TFDP2: variants seen among roughly 807,000 people sequenced by gnomAD.
TFDP2 encodes the protein transcription factor Dp-2.
Under a neutral mutation model 59.3 loss-of-function variants are expected in TFDP2, and 17 were observed. The observed-to-expected ratio is 0.29, with a 90% CI of 0.20 to 0.43. The LOEUF is 0.43. Among genes scored for constraint, TFDP2 ranks in the 20% least tolerant of loss-of-function variants. TFDP2 has a pLI of 1.00. For missense variants in TFDP2, 391 were observed against 528.8 expected (o/e 0.74, Z 2.56); for synonymous variants, 180 against 194.7 (o/e 0.92, Z 0.63).
chr3:141,982,364 G>C (rs548149065), intron 6 of TFDP2, among the ~76,000 whole-genome samples: 107 of 152,026 alleles, frequency 7.0e-4, no homozygotes, highest in African/African-American at 2.4e-3. Flanking sequence ...TCAACTTAGT[G>C]GTTATATGCT....
chr3:142,021,792 T>C (rs912207288), intron 3 of TFDP2, among the ~76,000 whole-genome samples: 6 of 152,192 alleles, frequency 3.9e-5, no homozygotes, highest in African/African-American at 1.2e-4. Flanking sequence ...AATATTATAA[T>C]TGGTTTCATT....
intron 3 of TFDP2, among the ~76,000 whole-genome samples, chr3:142,011,590 T>TAAAAAAAAAAAAGAAAAAAA (rs386398107): frequency 1.6e-5 from 1 of 63,894 alleles, no homozygotes; most frequent in Non-Finnish European, 2.7e-5. Context: ...TAAAGTATAA[T>TAAAAAAAAAAAAGAAAAAAA]AAAAAAAAAA....
chr3:142,079,202 C>CT (rs1284015792), intron 3 of TFDP2, among the ~76,000 whole-genome samples: 2 of 152,062 alleles, frequency 1.3e-5, no homozygotes, highest in African/African-American at 4.8e-5. Context: ...ACTCAGAAGG[C>CT]TGAGGCAGTA....
At chr3:142,131,152 G>C (rs114398538) in intron 1 of TFDP2, among the ~76,000 whole-genome samples, 2 of 149,350 alleles carry the variant, frequency 1.3e-5, no homozygotes, top group Non-Finnish European at 2.9e-5. Context: ...AAAAGATGAC[G>C]TGTCTCTATA....
intron 3 of TFDP2, among the ~76,000 whole-genome samples, chr3:142,055,432 C>T (rs770419802): frequency 6.6e-6 from 1 of 152,204 alleles, no homozygotes; most frequent in Non-Finnish European, 1.5e-5. Context: ...AAAACAGGCA[C>T]TCTGCTAGGC....
At chr3:142,094,914 A>G (rs2061113982) in intron 2 of TFDP2, among the ~76,000 whole-genome samples, 1 of 152,340 alleles carries the variant, frequency 6.6e-6, no homozygotes, top group South Asian at 2.1e-4. Context: ...CAATCTGAAA[A>G]GATTTTAAAG....
chr3:142,061,008 C>G (rs746144411), intron 3 of TFDP2, among the ~76,000 whole-genome samples: 7 of 152,164 alleles, frequency 4.6e-5, no homozygotes, highest in Non-Finnish European at 1.0e-4. Context: ...AAATAACATT[C>G]AATCATAAAA....
chr3:142,082,055 T>C (rs1439108589), intron 3 of TFDP2, among the ~76,000 whole-genome samples: 1 of 152,178 alleles, frequency 6.6e-6, no homozygotes, highest in African/African-American at 2.4e-5. Context: ...AGCAGCTTCA[T>C]CTGTATTTAC....
chr3:142,014,729 C>T (rs1330319203), intron 3 of TFDP2, among the ~76,000 whole-genome samples: 1 of 152,140 alleles, frequency 6.6e-6, no homozygotes, highest in African/African-American at 2.4e-5. Context: ...CCTTTTAAGT[C>T]AGTCTCCTGC....
intron 3 of TFDP2, among the ~76,000 whole-genome samples, chr3:142,062,649 C>A (rs1001683135): frequency 6.6e-6 from 1 of 151,848 alleles, no homozygotes; most frequent in Non-Finnish European, 1.5e-5. Context: ...TAGGTGTATG[C>A]CCTGTAGAAA....
intron 3 of TFDP2, among the ~76,000 whole-genome samples, chr3:142,053,462 C>T (rs1321329198): frequency 6.6e-6 from 1 of 152,190 alleles, no homozygotes; most frequent in South Asian, 2.1e-4. Flanking sequence ...GAAGTAGATG[C>T]TGGCACCATG....
At chr3:142,144,991 G>A (rs1186767117) in intron 1 of TFDP2, among the ~76,000 whole-genome samples, 1 of 152,122 alleles carries the variant, frequency 6.6e-6, no homozygotes, top group Non-Finnish European at 1.5e-5. Context: ...GGCAGACTAC[G>A]GTAATATTAA....
chr3:142,135,211 T>A (rs1158485501), intron 1 of TFDP2, among the ~76,000 whole-genome samples: 7 of 151,998 alleles, frequency 4.6e-5, no homozygotes, highest in African/African-American at 1.7e-4. Context: ...GCTCAAGCAA[T>A]CCTCTCACTT....
At chr3:142,115,488 T>C (rs1167299929) in intron 1 of TFDP2, among the ~76,000 whole-genome samples, 1 of 152,082 alleles carries the variant, frequency 6.6e-6, no homozygotes, top group Non-Finnish European at 1.5e-5. Context: ...CTGGCTAATT[T>C]TTTGTATTTT....
At chr3:142,125,344 A>G (rs563022346) in intron 1 of TFDP2, among the ~76,000 whole-genome samples, 113 of 152,330 alleles carry the variant, frequency 7.4e-4, no homozygotes, top group Non-Finnish European at 9.6e-4. Flanking sequence ...GAGAAACATG[A>G]GGGAAAACAG....
rs147982308 is a variant in TFDP2, at chr3:142,033,302, T to C, written c.83-27758A>G. On this transcript the variant is annotated intron_variant, in intron 3 of 12. Coordinates refer to ENST00000489671, the MANE Select transcript of TFDP2 (RefSeq NM_001178139.2). ...CTGCATGTGGCTAACAGCTACTGTA[T>C]TGAACACTGTAGATATAGAACATTT... 6.6e-5 allele frequency among the ~76,000 whole-genome samples: 10 copies of C among 152,376 alleles called. No homozygotes were observed. In the East Asian group the frequency reaches 1.9e-3, roughly 29 times the overall value.
chr3:141,960,809 C>G (rs1157332730), intron 10 of TFDP2, among the ~76,000 whole-genome samples: 1 of 152,056 alleles, frequency 6.6e-6, no homozygotes, highest in East Asian at 1.9e-4. Flanking sequence ...CTGTTAAAAG[C>G]AGATCGTTTT....
intron 7 of TFDP2, 100 bp downstream of exon 7, chr3:141,978,420 A>AC: frequency 5.0e-6 from 6 of 1,189,688 alleles, no homozygotes; most frequent in Non-Finnish European, 6.8e-6. Flanking sequence ...AAAGGATAAA[A>AC]CCCTCAAGTA....
At chr3:142,062,025 G>A (rs889360194) in intron 3 of TFDP2, among the ~76,000 whole-genome samples, 8 of 149,712 alleles carry the variant, frequency 5.3e-5, no homozygotes, top group African/African-American at 1.7e-4. Context: ...CACCCGAGAC[G>A]GCAAAATCCA....
Sources: gnomAD v4.1 joint callset for allele counts (sites outside exome capture counted in the v4.1 genomes callset) on GRCh38, gnomAD v4.1.1 for gene constraint, MANE v1.5 for transcripts, NCBI Gene and HGNC (gene_info 2026-07-23, HGNC 2026-07-21) for gene names.